Variants in KALRN observed in about 807,000 individuals in gnomAD.
The protein encoded by KALRN is kalirin RhoGEF kinase, also known as kalirin.
In KALRN, 70 loss-of-function variants were observed where a neutral mutation model predicts 353.7. That is an observed-to-expected ratio of 0.20 (90% confidence interval 0.16 to 0.24). KALRN has a LOEUF of 0.24. Among genes scored for constraint, KALRN ranks in the 10% least tolerant of loss-of-function variants. The pLI is 1.00. For synonymous variants in KALRN, 1,391 were observed against 1,434.8 expected, an observed-to-expected ratio of 0.97 and a Z score of 0.69; for missense variants, 2,791 against 3,756.7, an observed-to-expected ratio of 0.74 and a Z score of 6.72.
At chr3:124,498,582 T>TA (rs1207357247) in intron 33 of KALRN, among the ~76,000 whole-genome samples, 2 of 152,190 alleles carry the variant, frequency 1.3e-5, no homozygotes, top group Admixed American at 6.5e-5. Context: ...TTAAATATGC[T>TA]AAAGAAAGAT....
chr3:124,437,689 C>CAAAAAAAA lies in KALRN; in HGVS notation c.3049-1180_3049-1173dup, dbSNP rs397876079. Among the ~76,000 whole-genome samples, 54 of 48,332 alleles carry CAAAAAAAA rather than the reference C, an allele frequency of 1.1e-3. 6 individuals carry two copies. The East Asian group carries it at 0.03, about 27-fold the overall frequency. 31.7% of individuals were successfully genotyped at this position (48,332 alleles called of 152,430 possible). A position where few individuals can be genotyped will look rare whatever the true frequency, so the allele number is the denominator to read the frequency against. Reference sequence around the variant, plus strand: ...TGGGTGAAAAAGCTAGATTCCGTCTCAAAAAAAAAAAAAAAAAAAAAAAAA... The same window carrying CAAAAAAAA: ...TGGGTGAAAAAGCTAGATTCCGTCTCAAAAAAAAAAAAAAAAAAAAAAAAAAAAAAAAA... On this transcript the variant is annotated intron_variant, in intron 17 of 59. Transcript: ENST00000682506.
intron 5 of KALRN, among the ~76,000 whole-genome samples, chr3:124,272,092 C>T (rs1397014236): frequency 6.6e-6 from 1 of 152,132 alleles, no homozygotes; most frequent in African/African-American, 2.4e-5. Context: ...TATACCCATA[C>T]CTGGGTAATA....
rs78454872 is a variant in KALRN at position 124,243,188 on chromosome 3, G to A, written c.263+8245G>A. 4.8e-4 allele frequency among the ~76,000 whole-genome samples: 73 copies of A among 152,306 alleles called. No individual in the cohort carries two copies. In the East Asian group the frequency reaches 0.013, roughly 27 times the overall value. On this transcript the variant is annotated intron_variant, in intron 3 of 59. Coordinates refer to ENST00000682506, the MANE Select transcript of KALRN (RefSeq NM_001388419.1). ...TTAGTGCTCAGTTAATGCACATTTT[G>A]AGGCTCCTTCATTTCCATGGCCATG...
At chr3:124,471,256 TTTATTATTATTA>T (rs139584790) in intron 25 of KALRN, among the ~76,000 whole-genome samples, 357 of 138,806 alleles carry the variant, frequency 2.6e-3, no homozygotes, top group African/African-American at 6.5e-3. Context: ...CCCACAAAGT[TTTATTATTATTA>T]TTATTATTAT....
At chr3:124,070,494 C>G (rs1376537997) in intron 1 of KALRN, among the ~76,000 whole-genome samples, 1 of 152,200 alleles carries the variant, frequency 6.6e-6, no homozygotes, top group Non-Finnish European at 1.5e-5. Flanking sequence ...GTCCCACTAC[C>G]TGTGGGGAAG....
intron 3 of KALRN, among the ~76,000 whole-genome samples, chr3:124,259,879 TG>T (rs1413365775): frequency 6.6e-6 from 1 of 152,202 alleles, no homozygotes; most frequent in Non-Finnish European, 1.5e-5. Context: ...AAGACTTCCT[TG>T]AAGAGTCATT....
At chr3:124,650,691 G>A in intron 37 of KALRN, 117 bp from the exon 38 acceptor site, 1 of 1,048,304 alleles carries the variant, frequency 9.5e-7, no homozygotes, top group Non-Finnish European at 1.4e-6. Flanking sequence ...GTGGTTTGGT[G>A]AGAACAGCCT....
chr3:124,645,339 C>T, intron 37 of KALRN, among the ~76,000 whole-genome samples: 1 of 152,138 alleles, frequency 6.6e-6, no homozygotes, highest in East Asian at 1.9e-4. Context: ...TAATTAGATC[C>T]CATTTGTCAA....
At chr3:124,579,705 C>T (rs928268017) in intron 34 of KALRN, among the ~76,000 whole-genome samples, 1 of 152,138 alleles carries the variant, frequency 6.6e-6, no homozygotes, top group African/African-American at 2.4e-5. Flanking sequence ...AGAGCTTCTT[C>T]CCACATTGTT....
rs200197075 is a variant in KALRN at position 124,269,275 on chromosome 3, A to G, written c.969+20A>G. On this transcript the variant is annotated intron_variant, in intron 5 of 59. Coordinates refer to ENST00000682506, the MANE Select transcript of KALRN (RefSeq NM_001388419.1). ...GAGAAGGTAGGAAGGGAACAGGCCA[A>G]ACCTGAGCCGGGATGGGGGTGAGGG... 22 of 1,567,872 alleles carry G rather than the reference A, an allele frequency of 1.4e-5. No individual in the cohort carries two copies. In the East Asian group the frequency reaches 5.0e-4, roughly 36 times the overall value.
intron 3 of KALRN, among the ~76,000 whole-genome samples, chr3:124,236,909 G>A (rs2079843839): frequency 6.6e-6 from 1 of 152,222 alleles, no homozygotes; most frequent in African/African-American, 2.4e-5. Context: ...CACAGGGCAG[G>A]CGAGAGCCCT....
At chr3:124,598,939 G>A (rs1351733829) in intron 34 of KALRN, among the ~76,000 whole-genome samples, 1 of 152,148 alleles carries the variant, frequency 6.6e-6, no homozygotes, top group Non-Finnish European at 1.5e-5. Context: ...ACCTCCCACA[G>A]TGCTGGGATT....
Position 124,666,642 on chromosome 3 carries a change from T to A in KALRN, c.6531+8T>A. On this transcript the variant is annotated splice_region_variant and intron_variant, in intron 46 of 59. Transcript: ENST00000682506. ...TTCAAAAGGAGCATCAAGGTGAGGA[T>A]CCCAATGGTGATGAGAAGAGGCAAG... 6.2e-7 allele frequency: 1 copy of A among 1,612,342 alleles called. No individual in the cohort carries two copies. Among genetic ancestry groups the A allele is most frequent in the Non-Finnish European group, 8.5e-7 (1 of 1,178,630 alleles).
chr3:124,447,008 G>A, intron 21 of KALRN, 123 bp downstream of exon 21: 2 of 1,126,684 alleles, frequency 1.8e-6, no homozygotes, highest in Non-Finnish European at 2.5e-6. Flanking sequence ...GGCAAGGGGG[G>A]AAGCATGTAA....
chr3:124,659,337 T>C, intron 42 of KALRN, 28 bp from the exon 43 acceptor site: 1 of 1,521,384 alleles, frequency 6.6e-7, no homozygotes, highest in Non-Finnish European at 9.1e-7. Context: ...AGTTCCTTTT[T>C]CTTCTAATAT....
intron 33 of KALRN, among the ~76,000 whole-genome samples, chr3:124,528,963 T>A (rs2067812588): frequency 6.6e-6 from 1 of 152,222 alleles, no homozygotes; most frequent in Non-Finnish European, 1.5e-5. Context: ...TTTTGTCCTA[T>A]CCTGATAAAA....
intron 1 of KALRN, among the ~76,000 whole-genome samples, chr3:124,194,236 C>T (rs1273384203): frequency 1.3e-5 from 2 of 152,144 alleles, no homozygotes; most frequent in East Asian, 3.9e-4. Flanking sequence ...AGGGAGCGAT[C>T]GATGTGGGCT....
At chr3:124,508,289 T>G (rs1342029181) in intron 33 of KALRN, among the ~76,000 whole-genome samples, 2 of 152,224 alleles carry the variant, frequency 1.3e-5, no homozygotes, top group Non-Finnish European at 2.9e-5. Context: ...TGCCCCTCCC[T>G]GGTCACAACC....
At position 124,569,863 on chromosome 3, in the gene KALRN, C is replaced by T. The variant is rs2073321677; in HGVS notation, c.5182+6774C>T. ...GTAGTAATCAGAGACAGATTTTGTC[C>T]TGTGGGTGCTTTGCCAACTAATAAG... On this transcript the variant is annotated intron_variant, in intron 34 of 59. Coordinates refer to ENST00000682506, the MANE Select transcript of KALRN (RefSeq NM_001388419.1). Among the ~76,000 whole-genome samples, 5 of 152,310 alleles carry T rather than the reference C, an allele frequency of 3.3e-5. No homozygotes were observed. In the South Asian group the frequency reaches 1.0e-3, roughly 32 times the overall value.
Sources: allele counts gnomAD v4.1 joint callset (sites outside exome capture counted in the v4.1 genomes callset), GRCh38; gene constraint gnomAD v4.1.1; transcripts MANE v1.5; gene names NCBI Gene and HGNC (gene_info 2026-07-23, HGNC 2026-07-21).